The following ATP8A1 variants were observed in gnomAD, a reference collection of about 807,000 sequenced individuals.
The protein encoded by ATP8A1 is ATPase phospholipid transporting 8A1, also known as phospholipid-transporting ATPase IA.
In ATP8A1, 90 loss-of-function variants were observed where a neutral mutation model predicts 177.7. The ratio of observed to expected loss-of-function variants is 0.51; its 90% CI spans 0.43 to 0.60. The LOEUF (loss-of-function observed/expected upper bound fraction) is 0.60, where lower values mean the gene tolerates loss of function less well. ATP8A1 is among the 20% of genes least tolerant of loss of function. The probability of loss-of-function intolerance (pLI) is 0.00; values close to 1 mark genes in which losing one functional copy is unlikely to be tolerated. For missense variants in ATP8A1, 1,072 were observed against 1,392.8 expected (o/e 0.77, Z 3.67); for synonymous variants, 493 against 485.9 (o/e 1.01, Z -0.19).
At chr4:42,600,338 C>T (rs555323712) in intron 6 of ATP8A1, 140 bp downstream of exon 6, 5 of 486,442 alleles carry the variant, frequency 1.0e-5, no homozygotes, top group African/African-American at 2.0e-5. Context: ...ACTGAAGATG[C>T]CATGCATGTT....
chr4:42,443,589 C>A lies in ATP8A1; in HGVS notation c.3099G>T (p.Pro1033=), dbSNP rs778148153. The A allele has an allele frequency of 6.2e-6, 9 of 1,459,638 alleles. No individual in the cohort carries two copies. Among genetic ancestry groups the A allele is most frequent in the Non-Finnish European group, 8.7e-6 (9 of 1,039,100 alleles). The allele number at this position is 1,459,638 out of a possible 1,614,324, so 90.4% of individuals were successfully genotyped here. ...CCTCTCCTGACATATCAGGGGCCATCGGAATGGCAGGCCACAGAGATGAGT... is the reference window on the plus strand; with the variant it reads ...CCTCTCCTGACATATCAGGGGCCATAGGAATGGCAGGCCACAGAGATGAGT... ...GIYSSLWPAI[P]MAPDMSGEAA... Residue 1033 remains proline, a synonymous_variant, in exon 33 of 37, where the codon CCG becomes CCT. Coordinates refer to ENST00000381668, the MANE Select transcript of ATP8A1 (RefSeq NM_006095.2).
At chr4:42,590,531 T>C (rs1356953538) in intron 7 of ATP8A1, among the ~76,000 whole-genome samples, 5 of 152,182 alleles carry the variant, frequency 3.3e-5, no homozygotes, top group Non-Finnish European at 7.3e-5. Flanking sequence ...TATATATTAA[T>C]GGTGCACAGG....
intron 27 of ATP8A1, among the ~76,000 whole-genome samples, chr4:42,464,422 G>A (rs1238708737): frequency 6.6e-6 from 1 of 151,862 alleles, no homozygotes; most frequent in Non-Finnish European, 1.5e-5. Context: ...CTGCTACCAC[G>A]CCTGGCTAAT....
At position 42,563,122 on chromosome 4, in the gene ATP8A1, T is replaced by G. The variant is rs192675678; in HGVS notation, c.1340+6039A>C. Among the ~76,000 whole-genome samples, 1,116 of 152,348 alleles carry G rather than the reference T, an allele frequency of 7.3e-3. 5 individuals carry two copies. The highest frequency in any genetic ancestry group is 0.012 in the Non-Finnish European group (823 of 68,028). On this transcript the variant is annotated intron_variant, in intron 15 of 36. Transcript: ENST00000381668. ...AAGAAAATGTGGGAAAGTTTGGAAC[T>G]TCCTAGAGACTTGAAGGACTTTGAC...
chr4:42,430,116 T>C (rs987563043), intron 33 of ATP8A1, among the ~76,000 whole-genome samples: 2 of 152,114 alleles, frequency 1.3e-5, no homozygotes, highest in Non-Finnish European at 2.9e-5. Flanking sequence ...AAATACATTA[T>C]GTATATTCTA....
chr4:42,634,148 T>C (rs1739036265), intron 1 of ATP8A1, among the ~76,000 whole-genome samples: 2 of 152,140 alleles, frequency 1.3e-5, no homozygotes, highest in African/African-American at 4.8e-5. Flanking sequence ...GTTAGACTGG[T>C]GACAGAGATG....
intron 22 of ATP8A1, among the ~76,000 whole-genome samples, chr4:42,512,362 C>T (rs192016988): frequency 1.3e-5 from 2 of 152,242 alleles, no homozygotes; most frequent in Non-Finnish European, 2.9e-5. Context: ...CTGAGTCACC[C>T]GTCAGGTGTA....
intron 5 of ATP8A1, among the ~76,000 whole-genome samples, chr4:42,609,907 C>A (rs187500578): frequency 1.3e-5 from 2 of 152,146 alleles, no homozygotes; most frequent in Non-Finnish European, 2.9e-5. Context: ...AAAAATGACC[C>A]TAACTTGCCT....
At chr4:42,538,507 T>G (rs995179248) in intron 20 of ATP8A1, among the ~76,000 whole-genome samples, 1 of 152,140 alleles carries the variant, frequency 6.6e-6, no homozygotes, top group Admixed American at 6.5e-5. Context: ...TCACAAAGTA[T>G]GCATCTGATG....
intron 30 of ATP8A1, among the ~76,000 whole-genome samples, chr4:42,450,938 C>A (rs1000414607): frequency 5.3e-5 from 8 of 152,188 alleles, no homozygotes; most frequent in East Asian, 1.9e-4. Flanking sequence ...AGCCTAGGAG[C>A]AGTGGGGGCA....
At chr4:42,606,007 T>G (rs1255627483) in intron 5 of ATP8A1, among the ~76,000 whole-genome samples, 1 of 152,218 alleles carries the variant, frequency 6.6e-6, no homozygotes, top group African/African-American at 2.4e-5. Context: ...TCGCACACCT[T>G]TCTCTAGACA....
chr4:42,567,639 T>G (rs1731490266), intron 15 of ATP8A1, among the ~76,000 whole-genome samples: 1 of 152,230 alleles, frequency 6.6e-6, no homozygotes, highest in Non-Finnish European at 1.5e-5. Context: ...TAAGTGGAAA[T>G]GTACAAGCAA....
At chr4:42,553,446 T>TCCC (rs1247089166) in intron 16 of ATP8A1, among the ~76,000 whole-genome samples, 1 of 152,170 alleles carries the variant, frequency 6.6e-6, no homozygotes, top group Non-Finnish European at 1.5e-5. Context: ...AACTCCTATG[T>TCCC]CCAGGGGACT....
At chr4:42,464,306 C>T (rs1196230913) in intron 27 of ATP8A1, among the ~76,000 whole-genome samples, 1 of 149,000 alleles carries the variant, frequency 6.7e-6, no homozygotes, top group East Asian at 1.9e-4. Context: ...CACTCTGTTG[C>T]CCAGGCTGGA....
At chr4:42,424,142 T>C (rs1030076884) in intron 33 of ATP8A1, among the ~76,000 whole-genome samples, 7 of 152,120 alleles carry the variant, frequency 4.6e-5, no homozygotes, top group Admixed American at 6.5e-5. Flanking sequence ...CTGGTATTGG[T>C]GCATACCTGT....
At position 42,551,213 on chromosome 4, in the gene ATP8A1, C is replaced by T. The variant is rs750615658; in HGVS notation, c.1587G>A (p.Ser529=). 12 of 1,612,972 alleles carry T rather than the reference C, an allele frequency of 7.4e-6. No individual in the cohort carries two copies. Among genetic ancestry groups the T allele is most frequent in the East Asian group, 4.5e-5 (2 of 44,846 alleles). The change falls in exon 18 of 37, where the codon TCG becomes TCA. Residue 529 remains serine, a synonymous_variant. Transcript: ENST00000381668. ...ACTAACTTACTGAATCTATAATCAC[C>T]GAGTCGGGTGTTCTTCCAGTGAAAA... ...NFVFTGRTPD[S]VIIDSLGQEE...
At chr4:42,643,409 T>C (rs1415920007) in intron 1 of ATP8A1, among the ~76,000 whole-genome samples, 1 of 152,196 alleles carries the variant, frequency 6.6e-6, no homozygotes, top group Non-Finnish European at 1.5e-5. Context: ...CTGGTTTTCA[T>C]TCCTTCATCC....
chr4:42,601,688 ATTTGT>A (rs1238366629), intron 5 of ATP8A1, among the ~76,000 whole-genome samples: 2 of 152,184 alleles, frequency 1.3e-5, no homozygotes, highest in Admixed American at 6.5e-5. Context: ...AGCATTTAAT[ATTTGT>A]TTTAATATTA....
intron 20 of ATP8A1, among the ~76,000 whole-genome samples, chr4:42,537,063 T>C (rs1321275580): frequency 7.2e-6 from 1 of 139,330 alleles, no homozygotes; most frequent in African/African-American, 2.7e-5. Context: ...ACCCAGGAGG[T>C]GGAGGTTGCG....
Sources: gnomAD v4.1 joint callset for allele counts (sites outside exome capture counted in the v4.1 genomes callset) on GRCh38, gnomAD v4.1.1 for gene constraint, MANE v1.5 for transcripts, NCBI Gene and HGNC (gene_info 2026-07-23, HGNC 2026-07-21) for gene names.